The following GOSR1 variants were observed in gnomAD, a reference collection of about 807,000 sequenced individuals.
GOSR1 encodes the protein golgi SNAP receptor complex member 1.
GOSR1 carries 21 observed loss-of-function variants against 35.5 expected under a neutral mutation model. The observed-to-expected ratio is 0.59, with a 90% CI of 0.42 to 0.85. GOSR1 has a LOEUF of 0.85. GOSR1 is among the 40% of genes least tolerant of loss of function. GOSR1 has a pLI of 0.00. For missense variants in GOSR1, 285 were observed against 309.6 expected (o/e 0.92, Z 0.60); for synonymous variants, 94 against 106.6 (o/e 0.88, Z 0.73).
intron 1 of GOSR1, 44 bp downstream of exon 1, chr17:30,477,508 G>A (rs756625084): frequency 6.3e-7 from 1 of 1,594,646 alleles, no homozygotes; most frequent in Non-Finnish European, 8.6e-7. Flanking sequence ...GAGGGTGAGA[G>A]GGGCTGAGTG....
chr17:30,508,117 T>C (rs1467649628), intron 6 of GOSR1, among the ~76,000 whole-genome samples: 2 of 152,262 alleles, frequency 1.3e-5, no homozygotes, highest in Admixed American at 1.3e-4. Context: ...GATGAAGTTA[T>C]GTTTTAACTT....
chr17:30,511,513 G>C (rs1008212752), intron 7 of GOSR1, among the ~76,000 whole-genome samples: 6 of 148,716 alleles, frequency 4.0e-5, no homozygotes, highest in African/African-American at 1.5e-4. Flanking sequence ...CAAAGTACAT[G>C]ACAATAACAA....
intron 2 of GOSR1, among the ~76,000 whole-genome samples, chr17:30,483,652 T>C (rs891012051): frequency 6.6e-5 from 10 of 152,348 alleles, no homozygotes; most frequent in South Asian, 4.1e-4. Context: ...CTGATCTGTA[T>C]TGAGCTGCTC....
At chr17:30,516,375 C>T (rs1967811335) in intron 7 of GOSR1, among the ~76,000 whole-genome samples, 1 of 149,828 alleles carries the variant, frequency 6.7e-6, no homozygotes, top group African/African-American at 2.5e-5. Context: ...GAGGCTGAGG[C>T]AGGAGAATGG....
chr17:30,510,609 GAA>G, intron 6 of GOSR1: 1 of 217,890 alleles, frequency 4.6e-6, no homozygotes, highest in Admixed American at 5.9e-5. Context: ...AGCTATTTGG[GAA>G]GCTGAGGCAG....
chr17:30,486,961 A>G (rs1490520456), intron 4 of GOSR1, among the ~76,000 whole-genome samples: 1 of 152,216 alleles, frequency 6.6e-6, no homozygotes, highest in East Asian at 1.9e-4. Context: ...TAATGACACC[A>G]AAGTTCATTT....
At chr17:30,491,226 C>A (rs1915022064) in intron 5 of GOSR1, among the ~76,000 whole-genome samples, 1 of 152,126 alleles carries the variant, frequency 6.6e-6, no homozygotes, top group Non-Finnish European at 1.5e-5. Flanking sequence ...CTGAGCCCCC[C>A]CATAATTTGT....
At chr17:30,490,729 C>G (rs1297796579) in intron 5 of GOSR1, among the ~76,000 whole-genome samples, 1 of 152,158 alleles carries the variant, frequency 6.6e-6, no homozygotes, top group Non-Finnish European at 1.5e-5. Context: ...TATTTAAGGA[C>G]TCCCAACATT....
intron 1 of GOSR1, 190 bp from the exon 2 acceptor site, chr17:30,480,952 TC>T: frequency 2.2e-6 from 1 of 444,648 alleles, no homozygotes; most frequent in Non-Finnish European, 4.2e-6. Flanking sequence ...CCTCAGGTGA[TC>T]CGCCCACCTT....
chr17:30,486,594 T>C (rs1914700292), intron 4 of GOSR1, among the ~76,000 whole-genome samples: 2 of 151,782 alleles, frequency 1.3e-5, no homozygotes, highest in South Asian at 4.2e-4. Flanking sequence ...TAAAATTATA[T>C]GTCTAGTACA....
chr17:30,484,581 G>A (rs150617734), intron 3 of GOSR1, 82 bp from the exon 4 acceptor site: 2 of 712,090 alleles, frequency 2.8e-6, no homozygotes, highest in Non-Finnish European at 4.8e-6. Flanking sequence ...AACCAAAAGG[G>A]CATATAGGCA....
At chr17:30,511,082 A>G (rs1418791534) in intron 7 of GOSR1, among the ~76,000 whole-genome samples, 173 bp downstream of exon 7, 1 of 152,202 alleles carries the variant, frequency 6.6e-6, no homozygotes, top group Non-Finnish European at 1.5e-5. Flanking sequence ...CTTACAAGAG[A>G]CGTTTGACAC....
chr17:30,485,454 A>G (rs1244491554), intron 4 of GOSR1, among the ~76,000 whole-genome samples: 2 of 152,108 alleles, frequency 1.3e-5, no homozygotes, highest in Non-Finnish European at 2.9e-5. Flanking sequence ...GCTTTTGCAG[A>G]GACAGGTCCT....
chr17:30,491,153 A>G (rs1173824148), intron 5 of GOSR1, among the ~76,000 whole-genome samples: 2 of 152,156 alleles, frequency 1.3e-5, no homozygotes, highest in Non-Finnish European at 1.5e-5. Context: ...TAGTCCATTT[A>G]TATATATGTT....
At chr17:30,495,643 G>T in intron 6 of GOSR1, 1 of 308,546 alleles carries the variant, frequency 3.2e-6, no homozygotes, top group Non-Finnish European at 6.5e-6. Context: ...CTCCTTCCAA[G>T]CCTCTGCAGT....
At chr17:30,507,608 C>T (rs780959612) in intron 6 of GOSR1, among the ~76,000 whole-genome samples, 3 of 151,968 alleles carry the variant, frequency 2.0e-5, no homozygotes, top group South Asian at 4.1e-4. Context: ...TTGTAATCCC[C>T]GCTACTCGGG....
chr17:30,489,384 C>CA (rs563800707), intron 4 of GOSR1, among the ~76,000 whole-genome samples: 12 of 149,004 alleles, frequency 8.1e-5, no homozygotes, highest in Admixed American at 3.3e-4. Context: ...CTCTTGTCTC[C>CA]AAAAAAAAAG....
At chr17:30,477,704 A>T (rs1045293170) in intron 1 of GOSR1, 2 of 985,112 alleles carry the variant, frequency 2.0e-6, no homozygotes, top group African/African-American at 3.5e-5. Context: ...GAGTGGACAG[A>T]GCGGGGATGT....
At position 30,516,298 on chromosome 17, in the gene GOSR1, G is replaced by A. The variant is rs1192120080; in HGVS notation, c.540-3641G>A. On this transcript the variant is annotated intron_variant, in intron 7 of 8. Transcript: ENST00000451249. ...ATCCTGGCTAACACGGTGAAACCCC[G>A]TCTCTACTAAAAATACAAAAAATTA... is the stretch of plus-strand genomic sequence containing the variant. 9.9e-5 allele frequency among the ~76,000 whole-genome samples: 15 copies of A among 151,910 alleles called. No individual in the cohort carries two copies. The East Asian group carries it at 2.1e-3, about 22-fold the overall frequency.
Sources: allele counts gnomAD v4.1 joint callset (sites outside exome capture counted in the v4.1 genomes callset), GRCh38; gene constraint gnomAD v4.1.1; transcripts MANE v1.5; gene names NCBI Gene and HGNC (gene_info 2026-07-23, HGNC 2026-07-21).